FRMD4A: variants seen among roughly 807,000 people sequenced by gnomAD.
The protein encoded by FRMD4A is FERM domain-containing protein 4A.
In FRMD4A, 29 loss-of-function variants were observed where a neutral mutation model predicts 129.1. The observed-to-expected ratio is 0.22, with a 90% confidence interval of 0.17 to 0.31. The LOEUF (loss-of-function observed/expected upper bound fraction) is 0.31, where lower values mean the gene tolerates loss of function less well. Ranked by LOEUF, FRMD4A falls within the 10% of genes least tolerant of loss-of-function variation. The pLI is 1.00. For missense variants in FRMD4A, 1,272 were observed against 1,375.8 expected (o/e 0.92, Z 1.19); for synonymous variants, 634 against 571.6 (o/e 1.11, Z -1.56).
chr10:14,260,390 G>A (rs1288213055), intron 2 of FRMD4A, among the ~76,000 whole-genome samples: 1 of 152,186 alleles, frequency 6.6e-6, no homozygotes, highest in African/African-American at 2.4e-5. Flanking sequence ...CCACATGGTG[G>A]CTGTGTCAAC....
intron 3 of FRMD4A, among the ~76,000 whole-genome samples, chr10:13,840,174 G>A (rs1173272599): frequency 6.6e-6 from 1 of 152,180 alleles, no homozygotes; most frequent in African/African-American, 2.4e-5. Flanking sequence ...GCTGTATTTG[G>A]AGATAGGATC....
intron 2 of FRMD4A, among the ~76,000 whole-genome samples, chr10:13,925,547 T>C (rs1038883696): frequency 2.8e-4 from 42 of 149,856 alleles, no homozygotes; most frequent in African/African-American, 9.8e-4. Context: ...CCAGTGAAAG[T>C]TTCTATTGTA....
chr10:14,096,450 G>C (rs1836966506), intron 2 of FRMD4A, among the ~76,000 whole-genome samples: 2 of 152,360 alleles, frequency 1.3e-5, no homozygotes, highest in Admixed American at 6.5e-5. Context: ...GTTATGGAGA[G>C]AGACTTCTGA....
In FRMD4A at chr10:13,643,795, ATAAAT is replaced by A. The variant is rs1249371241; in HGVS notation, c.*3238_*3242del. 3 of 152,698 alleles carry A rather than the reference ATAAAT, an allele frequency of 2.0e-5. No individual in the cohort carries two copies. The highest frequency in any genetic ancestry group is 3.8e-4 in the East Asian group (2 of 5,202). The allele number at this position is 152,698 out of a possible 1,614,324, so 9.5% of individuals were successfully genotyped here. A position where few individuals can be genotyped will look rare whatever the true frequency, so the allele number is the denominator to read the frequency against. On this transcript the variant is annotated 3_prime_UTR_variant, in exon 25 of 25. Transcript: ENST00000357447. ...TATACAAATTCTTAATACAAAAAGA[ATAAAT>A]TAAAAGCAGATTTCTTTTTTTAATT...
chr10:13,680,536 C>A (rs919441131), intron 15 of FRMD4A, among the ~76,000 whole-genome samples: 2 of 152,062 alleles, frequency 1.3e-5, no homozygotes, highest in Non-Finnish European at 1.5e-5. Flanking sequence ...ACCAGCCTGG[C>A]CAACATGGCG....
intron 2 of FRMD4A, among the ~76,000 whole-genome samples, chr10:14,099,377 G>A (rs1362222768): frequency 7.2e-5 from 11 of 152,178 alleles, no homozygotes; most frequent in Non-Finnish European, 1.6e-4. Flanking sequence ...AGATAATTAC[G>A]ATCAGAATAG....
rs184079069 is a variant in FRMD4A, at chr10:14,117,528, G to A, written c.45+212530C>T. Among the ~76,000 whole-genome samples the A allele has an allele frequency of 9.9e-5, 15 of 152,284 alleles. No homozygotes were observed. The South Asian group carries it at 1.5e-3, about 15-fold the overall frequency. ...ATTCTCACTTAGAATTTAGCAGCCT[G>A]CTTCATTGAGCTCAGGGTTCCCAAA... On this transcript the variant is annotated intron_variant, in intron 2 of 24. Transcript: ENST00000357447.
chr10:14,286,234 T>C (rs1225991104), intron 2 of FRMD4A, among the ~76,000 whole-genome samples: 2 of 152,354 alleles, frequency 1.3e-5, no homozygotes, highest in East Asian at 1.9e-4. Flanking sequence ...TCTCTCATCC[T>C]CTCAACACTG....
At chr10:13,721,169 A>T (rs1211000819) in intron 12 of FRMD4A, among the ~76,000 whole-genome samples, 1 of 152,108 alleles carries the variant, frequency 6.6e-6, no homozygotes, top group African/African-American at 2.4e-5. Flanking sequence ...AGATCACAAG[A>T]CAGTCTTTGA....
chr10:13,643,757 A>G lies in FRMD4A; in HGVS notation c.*3281T>C, dbSNP rs1192437681. 6.6e-6 allele frequency: 1 copy of G among 152,664 alleles called. No homozygotes were observed. Among genetic ancestry groups the G allele is most frequent in the Non-Finnish European group, 1.5e-5 (1 of 68,034 alleles). 9.5% of individuals were successfully genotyped at this position (152,664 alleles called of 1,614,324 possible). On this transcript the variant is annotated 3_prime_UTR_variant, in exon 25 of 25. Coordinates refer to ENST00000357447, the MANE Select transcript of FRMD4A (RefSeq NM_018027.5). ...AAGTGTTGACAACACTGTTTTGCAAAATGTAAAGGTACTATACAAATTCTT... is the reference window on the plus strand; with the variant it reads ...AAGTGTTGACAACACTGTTTTGCAAGATGTAAAGGTACTATACAAATTCTT...
chr10:14,279,058 C>T (rs1218365), intron 2 of FRMD4A, among the ~76,000 whole-genome samples: 1,861 of 152,186 alleles, frequency 0.012, 41 homozygotes, highest in African/African-American at 0.042. Context: ...GAATGTTGAG[C>T]ACCTGTGTTG....
intron 2 of FRMD4A, among the ~76,000 whole-genome samples, chr10:13,998,663 C>T (rs530847358): frequency 5.1e-4 from 77 of 152,262 alleles, no homozygotes; most frequent in African/African-American, 1.6e-3. Context: ...GTTCTTGACT[C>T]CTGTCTTCCT....
intron 2 of FRMD4A, among the ~76,000 whole-genome samples, chr10:14,077,162 G>A (rs1410664256): frequency 6.6e-6 from 1 of 152,206 alleles, no homozygotes; most frequent in Non-Finnish European, 1.5e-5. Flanking sequence ...CAGCACCTGG[G>A]TAGGCACTGC....
intron 23 of FRMD4A, chr10:13,654,131 C>G: frequency 1.9e-6 from 1 of 530,516 alleles, no homozygotes; most frequent in Non-Finnish European, 3.3e-6. Context: ...GTCTGGAAAT[C>G]TTACCAAAGA....
chr10:14,225,054 C>T (rs1176193336), intron 2 of FRMD4A, among the ~76,000 whole-genome samples: 2 of 152,118 alleles, frequency 1.3e-5, no homozygotes, highest in Non-Finnish European at 2.9e-5. Context: ...AACAGAGTCA[C>T]CTGACTGCAA....
At chr10:14,013,159 C>T (rs1013177676) in intron 2 of FRMD4A, among the ~76,000 whole-genome samples, 4 of 152,106 alleles carry the variant, frequency 2.6e-5, no homozygotes, top group African/African-American at 4.8e-5. Flanking sequence ...GCAAAAAAGG[C>T]GAAATACCAC....
At chr10:14,112,829 T>G (rs574450566) in intron 2 of FRMD4A, among the ~76,000 whole-genome samples, 12 of 152,278 alleles carry the variant, frequency 7.9e-5, no homozygotes, top group African/African-American at 2.6e-4. Context: ...CCCGGCCCCC[T>G]GATTAAACTT....
chr10:14,035,752 T>A lies in FRMD4A; in HGVS notation c.46-176840A>T, dbSNP rs904944588. On this transcript the variant is annotated intron_variant, in intron 2 of 24. Coordinates refer to ENST00000357447, the MANE Select transcript of FRMD4A (RefSeq NM_018027.5). ...TCCAGTTTTTATCTCTAGTTTTTAA[T>A]ACAGCCTCACACTGTTCCTATGAAA... 5.3e-5 allele frequency among the ~76,000 whole-genome samples: 8 copies of A among 152,202 alleles called. 1 individual carries two copies. Among genetic ancestry groups the A allele is most frequent in the African/African-American group, 1.9e-4 (8 of 41,452 alleles).
chr10:13,714,026 A>ATATATATATAAAATATATATTT (rs1491387054), intron 12 of FRMD4A, among the ~76,000 whole-genome samples: 3 of 60,946 alleles, frequency 4.9e-5, no homozygotes, highest in Admixed American at 2.6e-4. Context: ...TATAAAATAT[A>ATATATATATAAAATATATATTT]CATATATATA....
Sources: allele counts gnomAD v4.1 joint callset (sites outside exome capture counted in the v4.1 genomes callset), GRCh38; gene constraint gnomAD v4.1.1; transcripts MANE v1.5; gene names NCBI Gene and HGNC (gene_info 2026-07-23, HGNC 2026-07-21).